The following ESRRB variants were observed in gnomAD, a reference collection of about 807,000 sequenced individuals.
ESRRB encodes steroid hormone receptor ERR2.
A neutral mutation model predicts 46.0 loss-of-function variants in ESRRB; 16 were observed. The observed-to-expected ratio is 0.35, with a 90% CI of 0.24 to 0.53. ESRRB has a LOEUF of 0.53. Ranked by LOEUF, ESRRB falls within the 20% of genes least tolerant of loss-of-function variation. The pLI is 0.93. For missense variants in ESRRB, 488 were observed against 607.4 expected, an observed-to-expected ratio of 0.80 and a Z score of 2.07; for synonymous variants, 246 against 259.6, an observed-to-expected ratio of 0.95 and a Z score of 0.50.
chr14:76,349,096 G>A (rs1339103548), intron 1 of ESRRB, among the ~76,000 whole-genome samples: 1 of 152,202 alleles, frequency 6.6e-6, no homozygotes, highest in East Asian at 1.9e-4. Context: ...CTGAGGAGGT[G>A]TCCTCTGTGA....
At chr14:76,420,971 G>A (rs902001340) in intron 1 of ESRRB, among the ~76,000 whole-genome samples, 21 of 152,160 alleles carry the variant, frequency 1.4e-4, no homozygotes, top group African/African-American at 5.1e-4. Context: ...GACCCCTGCA[G>A]TGTCTCACTG....
intron 2 of ESRRB, among the ~76,000 whole-genome samples, chr14:76,454,127 A>G (rs770353413): frequency 1.3e-5 from 2 of 152,134 alleles, no homozygotes; most frequent in Non-Finnish European, 2.9e-5. Context: ...GAGGGTGGCA[A>G]TGGGTGTCTG....
At chr14:76,446,194 A>G (rs979231115) in intron 2 of ESRRB, among the ~76,000 whole-genome samples, 2 of 152,228 alleles carry the variant, frequency 1.3e-5, no homozygotes, top group African/African-American at 2.4e-5. Flanking sequence ...AGTAGTTGCA[A>G]TAGTGACGGC....
At chr14:76,377,583 C>CT (rs934054244) in intron 1 of ESRRB, among the ~76,000 whole-genome samples, 2 of 152,088 alleles carry the variant, frequency 1.3e-5, no homozygotes, top group Admixed American at 6.6e-5. Context: ...TCGTCTTCCT[C>CT]TTTTTTTTCT....
intron 6 of ESRRB, among the ~76,000 whole-genome samples, chr14:76,494,028 C>T (rs532110521): frequency 6.6e-6 from 1 of 152,294 alleles, no homozygotes; most frequent in African/African-American, 2.4e-5. Context: ...TTCCTGCCTC[C>T]CCACTTCCTT....
At chr14:76,401,491 G>A (rs532477304) in intron 1 of ESRRB, among the ~76,000 whole-genome samples, 124 of 152,210 alleles carry the variant, frequency 8.1e-4, no homozygotes, top group Non-Finnish European at 4.3e-4. Context: ...CAAAGAAACA[G>A]AACCAATACG....
chr14:76,385,367 G>T (rs1400663699), intron 1 of ESRRB, among the ~76,000 whole-genome samples: 1 of 152,194 alleles, frequency 6.6e-6, no homozygotes, highest in Non-Finnish European at 1.5e-5. Flanking sequence ...CAATCGGTGA[G>T]AAATTTTATA....
rs904032999 is a variant in ESRRB, at chr14:76,315,365, A to G, written c.2+4449A>G. Among the ~76,000 whole-genome samples, 5 of 152,086 alleles carry G rather than the reference A, an allele frequency of 3.3e-5. No homozygotes were observed. In the East Asian group the frequency reaches 9.7e-4, roughly 29 times the overall value. On this transcript the variant is annotated intron_variant, in intron 1 of 6. Coordinates refer to the ESRRB transcript ENST00000512784. ...TTTGTTAGCCTGCCTCATCGTTGAT[A>G]ATTCCTGCCCTCTTGCCCTGACCCG...
At chr14:76,321,462 A>G (rs1206579574) in intron 1 of ESRRB, among the ~76,000 whole-genome samples, 1 of 152,170 alleles carries the variant, frequency 6.6e-6, no homozygotes, top group Non-Finnish European at 1.5e-5. Flanking sequence ...ATTCTTCAGT[A>G]TCTCTCTTTT....
chr14:76,381,993 C>T (rs56302907), intron 1 of ESRRB, among the ~76,000 whole-genome samples: 23,737 of 152,174 alleles, frequency 0.16, 2,304 homozygotes, highest in Non-Finnish European at 0.22. Flanking sequence ...TTAATATCAT[C>T]AAGGGTCCTA....
chr14:76,405,594 G>A (rs1045645114), intron 1 of ESRRB, among the ~76,000 whole-genome samples: 1 of 152,086 alleles, frequency 6.6e-6, no homozygotes, highest in African/African-American at 2.4e-5. Flanking sequence ...TCAGGAAAAT[G>A]GACAAAGGAA....
chr14:76,358,605 T>C (rs1026537231), intron 1 of ESRRB, among the ~76,000 whole-genome samples: 1 of 152,056 alleles, frequency 6.6e-6, no homozygotes, highest in Non-Finnish European at 1.5e-5. Context: ...TGTACTTCAA[T>C]AAAAAGTTGA....
At chr14:76,388,920 C>T (rs1262238427) in intron 1 of ESRRB, among the ~76,000 whole-genome samples, 1 of 152,150 alleles carries the variant, frequency 6.6e-6, no homozygotes, top group African/African-American at 2.4e-5. Context: ...GTCTCAGTGC[C>T]CTACCTTGGT....
chr14:76,313,648 C>G (rs959822475), intron 1 of ESRRB, among the ~76,000 whole-genome samples: 4 of 152,196 alleles, frequency 2.6e-5, no homozygotes, highest in African/African-American at 9.6e-5. Context: ...GTTGAGGCCT[C>G]TCCAAATACC....
chr14:76,439,798 G>A, intron 2 of ESRRB, 48 bp downstream of exon 2: 1 of 1,596,074 alleles, frequency 6.3e-7, no homozygotes, highest in Non-Finnish European at 8.6e-7. Context: ...GGGGGTGGCA[G>A]CCGTGCCTGC....
At chr14:76,351,986 TAAAAAAAAAA>T (rs201356393) in intron 1 of ESRRB, among the ~76,000 whole-genome samples, 6 of 91,778 alleles carry the variant, frequency 6.5e-5, no homozygotes, top group Admixed American at 3.3e-4. Context: ...CCCAGTCTCT[TAAAAAAAAAA>T]AAAAAAAAAA....
At chr14:76,311,852 C>T (rs1167571749) in intron 1 of ESRRB, among the ~76,000 whole-genome samples, 1 of 152,092 alleles carries the variant, frequency 6.6e-6, no homozygotes, top group Non-Finnish European at 1.5e-5. Context: ...TTACCTGCCA[C>T]GAGCTTCCCG....
At chr14:76,386,444 C>T (rs913357110) in intron 1 of ESRRB, among the ~76,000 whole-genome samples, 1 of 145,366 alleles carries the variant, frequency 6.9e-6, no homozygotes, top group Admixed American at 7.1e-5. Flanking sequence ...ATTCTAGGTT[C>T]GGTTTTTTAA....
chr14:76,451,871 C>T (rs1175826812), intron 2 of ESRRB, among the ~76,000 whole-genome samples: 31 of 149,698 alleles, frequency 2.1e-4, no homozygotes, highest in Non-Finnish European at 5.9e-5. Context: ...GACCTCGTGA[C>T]CCTCCTGCCT....
Sources: allele counts gnomAD v4.1 joint callset (sites outside exome capture counted in the v4.1 genomes callset), GRCh38; gene constraint gnomAD v4.1.1; transcripts MANE v1.5; gene names NCBI Gene and HGNC (gene_info 2026-07-23, HGNC 2026-07-21).